The following ZMIZ1 variants were observed in gnomAD, a reference collection of about 807,000 sequenced individuals.
ZMIZ1 encodes zinc finger MIZ-type containing 1.
Under a neutral mutation model 113.9 loss-of-function variants are expected in ZMIZ1, and 17 were observed. The observed-to-expected ratio is 0.15, with a 90% CI of 0.10 to 0.22. ZMIZ1 has a LOEUF of 0.22. ZMIZ1 is among the 10% of genes least tolerant of loss of function. The pLI is 1.00. For missense variants in ZMIZ1, 1,059 were observed against 1,477.8 expected (o/e 0.72, Z 4.65); for synonymous variants, 607 against 603.1 (o/e 1.01, Z -0.09).
chr10:79,244,253 C>A (rs1160333933), intron 7 of ZMIZ1, among the ~76,000 whole-genome samples: 1 of 152,218 alleles, frequency 6.6e-6, no homozygotes, highest in African/African-American at 2.4e-5. Flanking sequence ...GAATAGACTT[C>A]TGACAAGTGT....
chr10:79,274,947 C>T (rs916988585), intron 7 of ZMIZ1, among the ~76,000 whole-genome samples: 4 of 152,220 alleles, frequency 2.6e-5, no homozygotes, highest in South Asian at 4.1e-4. Context: ...CCAGGAGGAG[C>T]GAGGGCTGCG....
rs145838724 is a variant in ZMIZ1, at chr10:79,232,989, C to T, written c.280+16715C>T. ...AATGCCTGGGGAATCTGGAGGCTCC[C>T]TCTTGGCTCCTGGCTTCCAGCCACG... On this transcript the variant is annotated intron_variant, in intron 7 of 24. Coordinates refer to ENST00000334512, the MANE Select transcript of ZMIZ1 (RefSeq NM_020338.4). 5.8e-4 allele frequency among the ~76,000 whole-genome samples: 88 copies of T among 152,358 alleles called. 1 individual carries two copies. In the Middle Eastern group the frequency reaches 0.024, roughly 41 times the overall value.
chr10:79,189,518 A>G (rs1847507760), intron 4 of ZMIZ1, among the ~76,000 whole-genome samples: 1 of 152,200 alleles, frequency 6.6e-6, no homozygotes, highest in Non-Finnish European at 1.5e-5. Context: ...TACTGTTGTT[A>G]TTATTTATAG....
At chr10:79,187,864 C>G (rs1193409385) in intron 4 of ZMIZ1, among the ~76,000 whole-genome samples, 1 of 152,192 alleles carries the variant, frequency 6.6e-6, no homozygotes, top group Non-Finnish European at 1.5e-5. Context: ...CACTCAGCTT[C>G]CCTGTTCCCC....
intron 3 of ZMIZ1, among the ~76,000 whole-genome samples, chr10:79,146,972 G>A (rs937837724): frequency 5.8e-5 from 7 of 121,334 alleles, no homozygotes; most frequent in East Asian, 2.5e-4. Context: ...GTGTGTGTGT[G>A]TATATCCCTG....
At chr10:79,104,768 C>T (rs544456984) in intron 1 of ZMIZ1, among the ~76,000 whole-genome samples, 3 of 152,298 alleles carry the variant, frequency 2.0e-5, no homozygotes, top group South Asian at 4.1e-4. Flanking sequence ...CCGCTGGCCA[C>T]GGCACTCTGA....
chr10:79,075,531 C>A (rs1842437181), intron 1 of ZMIZ1, among the ~76,000 whole-genome samples: 1 of 150,192 alleles, frequency 6.7e-6, no homozygotes, highest in South Asian at 2.1e-4. Flanking sequence ...TCCCCCAGCC[C>A]TGTGTGTGTG....
chr10:79,071,445 C>G (rs1842284566), intron 1 of ZMIZ1, among the ~76,000 whole-genome samples: 1 of 152,224 alleles, frequency 6.6e-6, no homozygotes, highest in African/African-American at 2.4e-5. Context: ...GAGAGCCGGG[C>G]AGCTTGGCGC....
intron 1 of ZMIZ1, among the ~76,000 whole-genome samples, chr10:79,083,957 C>A (rs553873302): frequency 1.3e-5 from 2 of 152,116 alleles, no homozygotes; most frequent in Admixed American, 1.3e-4. Flanking sequence ...CTTCCTGATA[C>A]CCTTGTCTAC....
intron 5 of ZMIZ1, among the ~76,000 whole-genome samples, chr10:79,206,734 C>T (rs1005229747): frequency 4.6e-5 from 7 of 152,254 alleles, no homozygotes; most frequent in African/African-American, 1.7e-4. Flanking sequence ...GAGCACCCCA[C>T]GCGCCAGGCA....
intron 1 of ZMIZ1, among the ~76,000 whole-genome samples, chr10:79,105,316 G>A (rs1843516535): frequency 6.6e-6 from 1 of 152,272 alleles, no homozygotes; most frequent in East Asian, 1.9e-4. Context: ...TTGTGCTTAG[G>A]CAAGAGACCA....
At chr10:79,286,143 T>C (rs958433368) in intron 8 of ZMIZ1, among the ~76,000 whole-genome samples, 2 of 152,172 alleles carry the variant, frequency 1.3e-5, no homozygotes, top group African/African-American at 2.4e-5. Context: ...GCCAAGCACC[T>C]GTGACCAGGT....
chr10:79,177,718 T>G (rs573799344), intron 4 of ZMIZ1, among the ~76,000 whole-genome samples: 2 of 152,372 alleles, frequency 1.3e-5, no homozygotes, highest in East Asian at 3.9e-4. Flanking sequence ...ATGGAGAATC[T>G]CACACATTTA....
At chr10:79,071,823 T>A (rs1842293946) in intron 1 of ZMIZ1, among the ~76,000 whole-genome samples, 2 of 152,168 alleles carry the variant, frequency 1.3e-5, no homozygotes, top group African/African-American at 4.8e-5. Context: ...TGTTTTCTTC[T>A]GAGCTTTATG....
chr10:79,196,162 TA>T (rs1201407538), intron 4 of ZMIZ1, among the ~76,000 whole-genome samples: 1 of 152,202 alleles, frequency 6.6e-6, no homozygotes, highest in African/African-American at 2.4e-5. Context: ...CTCAACAGTT[TA>T]AAAATGTCAC....
intron 7 of ZMIZ1, among the ~76,000 whole-genome samples, chr10:79,268,024 C>A (rs1192245207): frequency 2.0e-5 from 3 of 152,230 alleles, no homozygotes; most frequent in African/African-American, 7.2e-5. Context: ...TTCCCCGGTC[C>A]CAGGACCCTG....
chr10:79,189,864 A>G (rs1438210517), intron 4 of ZMIZ1, among the ~76,000 whole-genome samples: 2 of 152,208 alleles, frequency 1.3e-5, no homozygotes, highest in Non-Finnish European at 2.9e-5. Flanking sequence ...GGAGGGTTTC[A>G]GGAATGAGGG....
At chr10:79,229,335 G>C (rs948644821) in intron 7 of ZMIZ1, among the ~76,000 whole-genome samples, 1 of 152,256 alleles carries the variant, frequency 6.6e-6, no homozygotes, top group Non-Finnish European at 1.5e-5. Flanking sequence ...AGCCCAGAGA[G>C]ACACAGAACC....
At chr10:79,140,662 A>G (rs1228358375) in intron 3 of ZMIZ1, among the ~76,000 whole-genome samples, 2 of 152,190 alleles carry the variant, frequency 1.3e-5, no homozygotes, top group Middle Eastern at 3.4e-3. Flanking sequence ...CCGTCCTTCC[A>G]TCCAACTACT....
Sources: allele counts gnomAD v4.1 joint callset (sites outside exome capture counted in the v4.1 genomes callset), GRCh38; gene constraint gnomAD v4.1.1; transcripts MANE v1.5; gene names NCBI Gene and HGNC (gene_info 2026-07-23, HGNC 2026-07-21).